FBXO5: variants seen among roughly 807,000 people sequenced by gnomAD.
The protein encoded by FBXO5 is F-box only protein 5.
A neutral mutation model predicts 43.3 loss-of-function variants in FBXO5; 8 were observed. The ratio of observed to expected loss-of-function variants is 0.18; its 90% CI spans 0.11 to 0.33. The LOEUF is 0.33. Among genes scored for constraint, FBXO5 ranks in the 10% least tolerant of loss-of-function variants. The pLI is 1.00. For missense variants in FBXO5, 491 were observed against 535.7 expected, an observed-to-expected ratio of 0.92 and a Z score of 0.82; for synonymous variants, 204 against 193.7, an observed-to-expected ratio of 1.05 and a Z score of -0.44.
At position 152,971,119 on chromosome 6, in the gene FBXO5, T is replaced by C. The variant is rs1778079208; in HGVS notation, c.*44A>G. 6.5e-7 allele frequency: 1 copy of C among 1,534,854 alleles called. No homozygotes were observed. Among genetic ancestry groups the C allele is most frequent in the Non-Finnish European group, 8.7e-7 (1 of 1,143,012 alleles). On this transcript the variant is annotated 3_prime_UTR_variant, in exon 5 of 5. Transcript: ENST00000229758. ...TTTTTTAAGTTAAAACCTAACATTT[T>C]CTAACTAACATTCATGATCAGTAAC...
chr6:152,982,161 G>A (rs533575364), intron 1 of FBXO5, among the ~76,000 whole-genome samples: 13 of 152,210 alleles, frequency 8.5e-5, no homozygotes, highest in Non-Finnish European at 1.8e-4. Context: ...GTTTTTGTTT[G>A]GATGTCCCAG....
At chr6:152,978,388 G>GC (rs1448801141) in intron 1 of FBXO5, among the ~76,000 whole-genome samples, 1 of 48,460 alleles carries the variant, frequency 2.1e-5, no homozygotes, top group Non-Finnish European at 4.2e-5. Flanking sequence ...GGGGGGGGGG[G>GC]GGGGGCGGGG....
At chr6:152,978,672 G>GT (rs940522370) in intron 1 of FBXO5, among the ~76,000 whole-genome samples, 2 of 152,086 alleles carry the variant, frequency 1.3e-5, no homozygotes, top group African/African-American at 4.8e-5. Context: ...TGCAACAACA[G>GT]TATTTTCACA....
chr6:152,974,899 G>C lies in FBXO5; in HGVS notation c.818+8C>G. The C allele has an allele frequency of 6.4e-7, 1 of 1,572,160 alleles. No individual in the cohort carries two copies. The highest frequency in any genetic ancestry group is 8.6e-7 in the Non-Finnish European group (1 of 1,160,988). ...TATGCTAATATGTATATTCAAAACA[G>C]TACTTACTTGATTAAGTCCATGTCA... On this transcript the variant is annotated splice_region_variant and intron_variant, in intron 2 of 4. Coordinates refer to ENST00000229758, the MANE Select transcript of FBXO5 (RefSeq NM_012177.5).
chr6:152,982,227 G>C (rs1192746632), intron 1 of FBXO5, among the ~76,000 whole-genome samples: 1 of 152,164 alleles, frequency 6.6e-6, no homozygotes, highest in Admixed American at 6.5e-5. Flanking sequence ...GGAGTGGGGA[G>C]GGAGACCCTG....
chr6:152,980,020 AAATAG>A (rs1778237541), intron 1 of FBXO5, among the ~76,000 whole-genome samples: 1 of 152,236 alleles, frequency 6.6e-6, no homozygotes, highest in Non-Finnish European at 1.5e-5. Context: ...ACTGCAGAAG[AAATAG>A]AATAGCATCA....
Position 152,975,536 on chromosome 6 carries a change from T to A in FBXO5, c.189A>T (p.Val63=). Residue 63 remains valine (V), a synonymous_variant, in exon 2 of 5, where the codon GTA becomes GTT. Transcript: ENST00000229758. The part of the protein sequence containing the change: ...CNHVHSGLKL[V]KPDDIGRLVS... ...CTAGTCTTCCAATGTCATCAGGTTT[T>A]ACCAGTTTAAGTCCGGAATGAACAT... The A allele has an allele frequency of 1.2e-6, 2 of 1,613,732 alleles. No individual in the cohort carries two copies. The highest frequency in any genetic ancestry group is 8.5e-7 in the Non-Finnish European group (1 of 1,179,926).
At chr6:152,976,443 T>C (rs1778170107) in intron 1 of FBXO5, among the ~76,000 whole-genome samples, 1 of 152,168 alleles carries the variant, frequency 6.6e-6, no homozygotes, top group African/African-American at 2.4e-5. Flanking sequence ...TACCGGGACA[T>C]CTCCCTGTAC....
At position 152,970,923 on chromosome 6, in the gene FBXO5, T is replaced by C; in HGVS notation, c.*240A>G. On this transcript the variant is annotated 3_prime_UTR_variant, in exon 5 of 5. Coordinates refer to ENST00000229758, the MANE Select transcript of FBXO5 (RefSeq NM_012177.5). Reference sequence around the variant, plus strand: ...CTCAGTATCACTATCTACTTTTCCTTTTTTCTTAAAATATTTAAATTGTTT... The same window carrying C: ...CTCAGTATCACTATCTACTTTTCCTCTTTTCTTAAAATATTTAAATTGTTT... 1 of 353,822 alleles carries C rather than the reference T, an allele frequency of 2.8e-6. No homozygotes were observed. Among genetic ancestry groups the C allele is most frequent in the Admixed American group, 4.3e-5 (1 of 23,042 alleles). 21.9% of individuals were successfully genotyped at this position (353,822 alleles called of 1,614,324 possible).
intron 4 of FBXO5, 125 bp from the exon 5 acceptor site, chr6:152,971,539 G>A (rs1387424243): frequency 3.3e-6 from 3 of 897,250 alleles, no homozygotes; most frequent in East Asian, 2.6e-5. Context: ...TCACACATAC[G>A]ATAACTACTG....
At chr6:152,977,855 T>C (rs1248038144) in intron 1 of FBXO5, among the ~76,000 whole-genome samples, 1 of 152,136 alleles carries the variant, frequency 6.6e-6, no homozygotes, top group South Asian at 2.1e-4. Flanking sequence ...TACTGGGGGG[T>C]TGTCCTATAG....
At chr6:152,978,920 G>A (rs1214940870) in intron 1 of FBXO5, among the ~76,000 whole-genome samples, 1 of 152,038 alleles carries the variant, frequency 6.6e-6, no homozygotes, top group Non-Finnish European at 1.5e-5. Context: ...GAGCCCGGGA[G>A]GTTGAGGCTG....
chr6:152,976,292 T>C (rs932006099), intron 1 of FBXO5, among the ~76,000 whole-genome samples: 1 of 152,214 alleles, frequency 6.6e-6, no homozygotes, highest in Non-Finnish European at 1.5e-5. Flanking sequence ...AAAGAACTAA[T>C]AACACATTTA....
intron 1 of FBXO5, among the ~76,000 whole-genome samples, chr6:152,980,417 C>A (rs1291775278): frequency 6.6e-6 from 1 of 152,024 alleles, no homozygotes; most frequent in Non-Finnish European, 1.5e-5. Flanking sequence ...TGTGAGTGTT[C>A]AAGGAAGAGA....
chr6:152,976,702 A>G (rs1279413430), intron 1 of FBXO5, among the ~76,000 whole-genome samples: 1 of 152,242 alleles, frequency 6.6e-6, no homozygotes, highest in Non-Finnish European at 1.5e-5. Context: ...AATAGAAAAA[A>G]GGGAAAGACT....
chr6:152,974,856 C>T, intron 2 of FBXO5, 51 bp downstream of exon 2: 1 of 1,419,148 alleles, frequency 7.0e-7, no homozygotes, highest in South Asian at 1.4e-5. Context: ...GAGCCACTAA[C>T]AGCAATGTTC....
Position 152,971,207 on chromosome 6 carries a change from G to C in FBXO5, c.1300C>G (p.Leu434Val). The part of the protein sequence containing the change: ...LLKASCKIGP[L>V]PGTKKSKKNL... ...TTTTTGCTTTTCTTTGTACCAGGCA[G>C]GGGACCTATTTTACAACTGGCTTTG... Residue 434 changes from leucine to valine, a missense_variant, in exon 5 of 5, where the codon CTG (leucine) becomes GTG (valine). By Grantham distance (32) the Leu-to-Val change is conservative. Coordinates refer to ENST00000229758, the MANE Select transcript of FBXO5 (RefSeq NM_012177.5). 6.2e-7 allele frequency: 1 copy of C among 1,613,520 alleles called. No homozygotes were observed. Among genetic ancestry groups the C allele is most frequent in the Middle Eastern group, 1.7e-4 (1 of 6,056 alleles).
Position 152,973,025 on chromosome 6 carries a change from ACAT to A in FBXO5, c.909+18_909+20del, listed in dbSNP as rs778522277. On this transcript the variant is annotated intron_variant, in intron 3 of 4. Coordinates refer to ENST00000229758, the MANE Select transcript of FBXO5 (RefSeq NM_012177.5). ...ACTAACAGTGCATTTTTAACTAAAA[ACAT>A]CATCTGCAAACACTTACGGTAACTC... The A allele has an allele frequency of 2.5e-6, 4 of 1,599,724 alleles. No individual in the cohort carries two copies. Among genetic ancestry groups the A allele is most frequent in the Middle Eastern group, 3.3e-4 (2 of 6,020 alleles).
chr6:152,976,285 G>A (rs1237941454), intron 1 of FBXO5, among the ~76,000 whole-genome samples: 1 of 152,178 alleles, frequency 6.6e-6, no homozygotes, highest in East Asian at 1.9e-4. Context: ...TTGGAGAAAA[G>A]AACTAATAAC....
Sources: gnomAD v4.1 joint callset for allele counts (sites outside exome capture counted in the v4.1 genomes callset) on GRCh38, gnomAD v4.1.1 for gene constraint, MANE v1.5 for transcripts, NCBI Gene and HGNC (gene_info 2026-07-23, HGNC 2026-07-21) for gene names.